UGT1A10: variants seen among roughly 807,000 people sequenced by gnomAD.
UGT1A10 encodes UDP-glucuronosyltransferase 1A10.
UGT1A10 carries 49 observed loss-of-function variants against 45.8 expected under a neutral mutation model. The observed-to-expected ratio is 1.07, with a 90% CI of 0.85 to 1.36. The LOEUF is 1.36. Ranked by LOEUF, UGT1A10 falls within the 40% of genes most tolerant of loss-of-function variation. UGT1A10 has a pLI of 0.00. For synonymous variants in UGT1A10, 284 were observed against 249.7 expected, an observed-to-expected ratio of 1.14 and a Z score of -1.29; for missense variants, 745 against 668.6, an observed-to-expected ratio of 1.11 and a Z score of -1.26.
rs750843376 is a variant in UGT1A10 at position 233,636,601 on chromosome 2, A to C, written c.79A>C (p.Lys27Gln). ...GACCTGTGGCTTTGCCGAGGCAGGG[A>C]AGCTGCTGGTAGTGCCCATGGATGG... is the stretch of plus-strand genomic sequence containing the variant. ...LLTCGFAEAG[K>Q]LLVVPMDGSH... Residue 27 changes from lysine to glutamine, a missense_variant, in exon 1 of 5, where the codon AAG becomes CAG. Lys to Gln is a moderately conservative substitution (Grantham distance 53, BLOSUM62 1). Transcript: ENST00000344644. The C allele has an allele frequency of 1.2e-6, 2 of 1,614,094 alleles. No homozygotes were observed. Among genetic ancestry groups the C allele is most frequent in the Non-Finnish European group, 1.7e-6 (2 of 1,180,024 alleles).
Position 233,767,155 on chromosome 2 carries a change from T to C in UGT1A10, c.977T>C (p.Ile326Thr), listed in dbSNP as rs202035422. The change falls in exon 2 of 5, where the codon ATC (isoleucine) becomes ACC (threonine). Residue 326 changes from isoleucine (I) to threonine (T), a missense_variant. Ile to Thr is a moderately conservative substitution (Grantham distance 89). Transcript: ENST00000344644. The stretch of plus-strand genomic sequence containing the variant: ...GCAATTGCTGATGCTTTGGGCAAAA[T>C]CCCTCAGACAGTAAGAAGATTCTAT... ...AMAIADALGK[I>T]PQTVLWRYTG... 6.2e-7 allele frequency: 1 copy of C among 1,614,056 alleles called. No homozygotes were observed. Among genetic ancestry groups the C allele is most frequent in the Non-Finnish European group, 8.5e-7 (1 of 1,179,996 alleles).
chr2:233,671,325 G>T (rs993178908), intron 1 of UGT1A10, among the ~76,000 whole-genome samples: 17 of 152,274 alleles, frequency 1.1e-4, no homozygotes, highest in Middle Eastern at 3.4e-3. Flanking sequence ...CCCTGGTATG[G>T]TCCATGGAAG....
chr2:233,701,871 A>G (rs2075656901), intron 1 of UGT1A10, among the ~76,000 whole-genome samples: 1 of 152,172 alleles, frequency 6.6e-6, no homozygotes, highest in Non-Finnish European at 1.5e-5. Flanking sequence ...TTATAGCACT[A>G]AATGCCCACA....
intron 1 of UGT1A10, chr2:233,753,763 T>C (rs1695302197): frequency 1.3e-5 from 2 of 152,344 alleles, no homozygotes; most frequent in South Asian, 4.1e-4. Context: ...TGCGTGGCCC[T>C]TTGGAAACGC....
chr2:233,727,408 C>T (rs1347746935), intron 1 of UGT1A10, among the ~76,000 whole-genome samples: 2 of 152,116 alleles, frequency 1.3e-5, no homozygotes, highest in Non-Finnish European at 2.9e-5. Flanking sequence ...ACATGGGCCT[C>T]CTCAGGGTCT....
chr2:233,772,688 G>A lies in UGT1A10; in HGVS notation c.*129G>A, dbSNP rs1369161059. The A allele has an allele frequency of 1.3e-6, 2 of 1,494,182 alleles. No individual in the cohort carries two copies. Among genetic ancestry groups the A allele is most frequent in the Non-Finnish European group, 1.8e-6 (2 of 1,128,718 alleles). 92.6% of individuals were successfully genotyped at this position (1,494,182 alleles called of 1,614,324 possible). A position where few individuals can be genotyped will look rare whatever the true frequency, so the allele number is the denominator to read the frequency against. Reference sequence around the variant, plus strand: ...ACTTTGCATAAATTAATCAGCCCCAGAGTGCTTTAAAAAATTCTCTTAAAT... The same window carrying A: ...ACTTTGCATAAATTAATCAGCCCCAAAGTGCTTTAAAAAATTCTCTTAAAT... On this transcript the variant is annotated 3_prime_UTR_variant, in exon 5 of 5. Transcript: ENST00000344644.
At position 233,693,022 on chromosome 2, in the gene UGT1A10, C is replaced by T. The variant is rs773410698; in HGVS notation, c.855+55645C>T. 2.5e-5 allele frequency: 41 copies of T among 1,614,028 alleles called. No individual in the cohort carries two copies. In the Admixed American group the frequency reaches 3.8e-4, roughly 15 times the overall value. On this transcript the variant is annotated intron_variant, in intron 1 of 4. Transcript: ENST00000344644. ...TTTCCAGGATGGCCTGCCTCCTTCG[C>T]TCATTTCAGAGAATTTCTGCAGGGG... is the stretch of plus-strand genomic sequence containing the variant.
chr2:233,747,336 G>C, intron 1 of UGT1A10: 1 of 1,603,642 alleles, frequency 6.2e-7, no homozygotes, highest in South Asian at 1.1e-5. Context: ...GCAGCCACTG[G>C]CTCGCATGCG....
At chr2:233,729,752 A>G in intron 1 of UGT1A10, 1 of 1,614,000 alleles carries the variant, frequency 6.2e-7, no homozygotes, top group African/African-American at 1.3e-5. Context: ...ACATTCATGC[A>G]AAGGGTCAAG....
chr2:233,717,775 C>T, intron 1 of UGT1A10: 1 of 456,474 alleles, frequency 2.2e-6, no homozygotes, highest in Non-Finnish European at 4.4e-6. Context: ...ATTTAATTCT[C>T]CATTTTGAAA....
intron 1 of UGT1A10, among the ~76,000 whole-genome samples, chr2:233,656,086 C>A (rs1455058539): frequency 6.6e-6 from 1 of 152,052 alleles, no homozygotes; most frequent in Admixed American, 6.6e-5. Flanking sequence ...TTATGCTGAA[C>A]AAACAGGGTA....
intron 1 of UGT1A10, among the ~76,000 whole-genome samples, chr2:233,709,844 C>T (rs971169225): frequency 2.0e-5 from 3 of 152,212 alleles, no homozygotes; most frequent in African/African-American, 7.2e-5. Context: ...GCCATCACCA[C>T]ATTCAAGACA....
At position 233,636,514 on chromosome 2, in the gene UGT1A10, A is replaced by G. The variant is rs760197114; in HGVS notation, c.-9A>G. On this transcript the variant is annotated 5_prime_UTR_variant, in exon 1 of 5. Transcript: ENST00000344644. ...AATCCCAGCTGCTGGCTCGGGCTGC[A>G]GTTCTCTCATGGCTCGCGCAGGGTG... The G allele has an allele frequency of 1.4e-5, 22 of 1,607,776 alleles. No homozygotes were observed. Among genetic ancestry groups the G allele is most frequent in the South Asian group, 7.7e-5 (7 of 90,392 alleles).
chr2:233,728,946 G>T (rs1229319811), intron 1 of UGT1A10, among the ~76,000 whole-genome samples: 2 of 148,876 alleles, frequency 1.3e-5, no homozygotes, highest in Non-Finnish European at 2.9e-5. Context: ...TCCAGGGTGG[G>T]GCCCACAGTG....
At chr2:233,716,743 T>C (rs576356659) in intron 1 of UGT1A10, among the ~76,000 whole-genome samples, 2 of 152,306 alleles carry the variant, frequency 1.3e-5, no homozygotes, top group East Asian at 1.9e-4. Context: ...CTCTGTGAGA[T>C]TGGGAGAGGG....
chr2:233,661,623 T>TTTTCTTTCTTTCTTTTTTCTTTCTTTC (rs1265546183), intron 1 of UGT1A10, among the ~76,000 whole-genome samples: 1 of 123,952 alleles, frequency 8.1e-6, no homozygotes, highest in African/African-American at 3.2e-5. Context: ...ACTTACTGAA[T>TTTTCTTTCTTTCTTTTTTCTTTCTTTC]TTTCTTTCTT....
At chr2:233,672,028 C>T (rs1359293949) in intron 1 of UGT1A10, 2 of 1,614,004 alleles carry the variant, frequency 1.2e-6, no homozygotes, top group African/African-American at 1.3e-5. Flanking sequence ...ACTGGTAGTG[C>T]CCATGGATGG....
At chr2:233,741,008 G>A (rs1182899562) in intron 1 of UGT1A10, 1 of 151,722 alleles carries the variant, frequency 6.6e-6, no homozygotes, top group African/African-American at 2.4e-5. Flanking sequence ...GATCACTTGA[G>A]CCCAGGAATT....
At chr2:233,723,943 C>T (rs2125696372) in intron 1 of UGT1A10, among the ~76,000 whole-genome samples, 1 of 54,774 alleles carries the variant, frequency 1.8e-5, no homozygotes, top group African/African-American at 1.4e-4. Flanking sequence ...TCTACACAGA[C>T]ACGGCAACCA....
Sources: gnomAD v4.1 joint callset for allele counts (sites outside exome capture counted in the v4.1 genomes callset) on GRCh38, gnomAD v4.1.1 for gene constraint, MANE v1.5 for transcripts, NCBI Gene and HGNC (gene_info 2026-07-23, HGNC 2026-07-21) for gene names.